The following HOXA1 variants were observed in gnomAD, a reference collection of about 807,000 sequenced individuals.
HOXA1 encodes homeobox protein Hox-A1.
HOXA1 carries 21 observed loss-of-function variants against 28.3 expected under a neutral mutation model. The observed-to-expected ratio is 0.74, with a 90% CI of 0.53 to 1.07. The LOEUF (loss-of-function observed/expected upper bound fraction) is 1.07. Ranked by LOEUF, HOXA1 falls within the 50% of genes least tolerant of loss-of-function variation. HOXA1 has a pLI of 0.00. For missense variants in HOXA1, 446 were observed against 434.3 expected (o/e 1.03, Z -0.24); for synonymous variants, 208 against 181.2 (o/e 1.15, Z -1.19).
chr7:27,093,620 T>C lies in HOXA1; in HGVS notation c.*820A>G, dbSNP rs1336175696. 6.6e-6 allele frequency: 1 copy of C among 152,540 alleles called. No individual in the cohort carries two copies. Among genetic ancestry groups the C allele is most frequent in the Non-Finnish European group, 1.5e-5 (1 of 68,038 alleles). The allele number at this position is 152,540 out of a possible 1,614,324, so 9.4% of individuals were successfully genotyped here. The stretch of plus-strand genomic sequence containing the variant: ...GGAAGGAAGAAATTGGTTTGAATAA[T>C]ACTTTTAGGTTCTGAATAACCCAGC... On this transcript the variant is annotated 3_prime_UTR_variant, in exon 2 of 2. Coordinates refer to ENST00000643460, the MANE Select transcript of HOXA1 (RefSeq NM_005522.5).
At position 27,094,147 on chromosome 7, in the gene HOXA1, G is replaced by T. The variant is rs1783761357; in HGVS notation, c.*293C>A. On this transcript the variant is annotated 3_prime_UTR_variant, in exon 2 of 2. Transcript: ENST00000643460. The stretch of plus-strand genomic sequence containing the variant: ...GGCAAAGGGAACTATTTTCCAAAAG[G>T]TCATCTGAAAGGAACAGTAGGTTCT... The T allele has an allele frequency of 2.9e-5, 11 of 384,986 alleles. No individual in the cohort carries two copies. Among genetic ancestry groups the T allele is most frequent in the Middle Eastern group, 1.5e-3 (2 of 1,342 alleles). 23.8% of individuals were successfully genotyped at this position (384,986 alleles called of 1,614,324 possible).
chr7:27,095,405 T>C lies in HOXA1; in HGVS notation c.508A>G (p.Ser170Gly). The C allele has an allele frequency of 1.2e-6, 2 of 1,614,040 alleles. No homozygotes were observed. Among genetic ancestry groups the C allele is most frequent in the Non-Finnish European group, 1.7e-6 (2 of 1,179,998 alleles). Residue 170 changes from serine (S) to glycine (G), a missense_variant, in exon 1 of 2, where the codon AGC becomes GGC. Ser to Gly is a moderately conservative substitution (Grantham distance 56). Coordinates refer to ENST00000643460, the MANE Select transcript of HOXA1 (RefSeq NM_005522.5). The part of the protein sequence containing the change: ...IHHSYGQEHQ[S>G]LALATYNNSL... ...TTATTATACGTAGCCAGGGCCAGGC[T>C]CTGGTGCTCCTGTCCATATGAGTGG...
chr7:27,093,398 T>C lies in HOXA1; in HGVS notation c.*1042A>G, dbSNP rs1304808476. The C allele has an allele frequency of 6.6e-6, 1 of 152,636 alleles. No homozygotes were observed. Among genetic ancestry groups the C allele is most frequent in the Non-Finnish European group, 1.5e-5 (1 of 68,036 alleles). 9.5% of individuals were successfully genotyped at this position (152,636 alleles called of 1,614,324 possible). ...CACTCCAGGATCTCAGAGCTGTTCA[T>C]GATTGTACAGGAAATGGGGAATATC... On this transcript the variant is annotated 3_prime_UTR_variant, in exon 2 of 2. Transcript: ENST00000643460.
At position 27,093,972 on chromosome 7, in the gene HOXA1, GAATT is replaced by G. The variant is rs1783756290; in HGVS notation, c.*464_*467del. ...ATGAAAATGACTTAAATTAAGGGATGAATTAATTGTGTAAACATATAGTGCATCT... is the reference window on the plus strand; with the variant it reads ...ATGAAAATGACTTAAATTAAGGGATGAATTGTGTAAACATATAGTGCATCT... On this transcript the variant is annotated 3_prime_UTR_variant, in exon 2 of 2. Transcript: ENST00000643460. 6.2e-6 allele frequency: 1 copy of G among 162,360 alleles called. No individual in the cohort carries two copies. The highest frequency in any genetic ancestry group is 2.4e-5 in the African/African-American group (1 of 41,580). The allele number at this position is 162,360 out of a possible 1,614,324, so 10.1% of individuals were successfully genotyped here.
In HOXA1 at chr7:27,095,960, A is replaced by G. The variant is rs372667623; in HGVS notation, c.-48T>C. 2.2e-6 allele frequency: 3 copies of G among 1,361,200 alleles called. No homozygotes were observed. The highest frequency in any genetic ancestry group is 3.1e-5 in the African/African-American group (2 of 64,050). The allele number at this position is 1,361,200 out of a possible 1,614,324, so 84.3% of individuals were successfully genotyped here. A position where few individuals can be genotyped will look rare whatever the true frequency, so the allele number is the denominator to read the frequency against. ...TGCGAAGCCCGGCGTGACTGTGCCA[A>G]CTTTCTCACTTCCTCCATGGGGCCG... On this transcript the variant is annotated 5_prime_UTR_variant, in exon 1 of 2. Transcript: ENST00000643460.
In HOXA1 at chr7:27,094,107, T is replaced by C. The variant is rs1783760875; in HGVS notation, c.*333A>G. ...AGATAAAAGATGAGAAGATTCCTTCTGGCATGTTTCTGTTGGCAAAGGGAA... is the reference window on the plus strand; with the variant it reads ...AGATAAAAGATGAGAAGATTCCTTCCGGCATGTTTCTGTTGGCAAAGGGAA... On this transcript the variant is annotated 3_prime_UTR_variant, in exon 2 of 2. Transcript: ENST00000643460. 1 of 331,542 alleles carries C rather than the reference T, an allele frequency of 3.0e-6. No individual in the cohort carries two copies. The allele number at this position is 331,542 out of a possible 1,614,324, so 20.5% of individuals were successfully genotyped here.
chr7:27,095,234 G>A, intron 1 of HOXA1, 27 bp downstream of exon 1: 1 of 1,611,508 alleles, frequency 6.2e-7, no homozygotes, highest in Non-Finnish European at 8.5e-7. Context: ...AATAATCAAG[G>A]AGCATCCACC....
In HOXA1 at chr7:27,094,734, G is replaced by T. The variant is rs377716509; in HGVS notation, c.714C>A (p.Thr238=). The T allele has an allele frequency of 8.1e-6, 13 of 1,614,126 alleles. No homozygotes were observed. The South Asian group carries it at 1.3e-4, about 16-fold the overall frequency. ...QPNAVRTNFT[T]KQLTELEKEF... ...CCTTCTCCAGTTCCGTGAGCTGCTT[G>T]GTAGTGAAGTTGGTGCGCACCGCGT... Residue 238 remains threonine, a synonymous_variant, in exon 2 of 2, where the codon ACC becomes ACA. Transcript: ENST00000643460.
At position 27,094,428 on chromosome 7, in the gene HOXA1, G is replaced by C. The variant is rs1300212279; in HGVS notation, c.*12C>G. 1.3e-6 allele frequency: 2 copies of C among 1,591,476 alleles called. No homozygotes were observed. Among genetic ancestry groups the C allele is most frequent in the African/African-American group, 2.7e-5 (2 of 74,570 alleles). On this transcript the variant is annotated 3_prime_UTR_variant, in exon 2 of 2. Transcript: ENST00000643460. ...GGAGATGCCTGGGCTGTTGTCTGGG[G>C]CTGGAGCCGCCTCAGTGGGAGGTAG...
chr7:27,094,077 T>C lies in HOXA1; in HGVS notation c.*363A>G, dbSNP rs1166894098. The C allele has an allele frequency of 6.7e-6, 2 of 298,268 alleles. No homozygotes were observed. The highest frequency in any genetic ancestry group is 7.1e-5 in the South Asian group (2 of 28,310). 18.5% of individuals were successfully genotyped at this position (298,268 alleles called of 1,614,324 possible). ...ACAAGGGAGGGGAGAGCTGTACATA[T>C]AGTTAGATAAAAGATGAGAAGATTC... On this transcript the variant is annotated 3_prime_UTR_variant, in exon 2 of 2. Transcript: ENST00000643460.
Position 27,094,683 on chromosome 7 carries a change from C to T in HOXA1, c.765G>A (p.Thr255=), listed in dbSNP as rs138651027. 160 of 1,614,148 alleles carry T rather than the reference C, an allele frequency of 9.9e-5. No individual in the cohort carries two copies. In the African/African-American group the frequency reaches 1.9e-3, roughly 19 times the overall value. The change falls in exon 2 of 2, where the codon ACG becomes ACA. Residue 255 remains threonine (T), a synonymous_variant. Coordinates refer to ENST00000643460, the MANE Select transcript of HOXA1 (RefSeq NM_005522.5). ...EKEFHFNKYL[T]RARRVEIAAS... is the part of the protein sequence containing the mutation. Reference sequence around the variant, plus strand: ...CAGCGATCTCCACCCTGCGGGCGCGCGTCAGGTACTTGTTGAAGTGGAACT... The same window carrying T: ...CAGCGATCTCCACCCTGCGGGCGCGTGTCAGGTACTTGTTGAAGTGGAACT...
Position 27,095,541 on chromosome 7 carries a change from G to A in HOXA1, c.372C>T (p.Pro124=), listed in dbSNP as rs371597524. 4 of 1,614,106 alleles carry A rather than the reference G, an allele frequency of 2.5e-6. No homozygotes were observed. The highest frequency in any genetic ancestry group is 1.7e-6 in the Non-Finnish European group (2 of 1,180,026). The stretch of plus-strand genomic sequence containing the variant: ...CAGAGTAAACAGCGGGAGCGCACTG[G>A]GGGTACCCACCACTTACGTCTGCTT... ...NQEADVSGGY[P]QCAPAVYSGN... The change falls in exon 1 of 2, where the codon CCC becomes CCT. Residue 124 remains proline (P), a synonymous_variant. Coordinates refer to ENST00000643460, the MANE Select transcript of HOXA1 (RefSeq NM_005522.5).
intron 1 of HOXA1, among the ~76,000 whole-genome samples, 197 bp downstream of exon 1, chr7:27,095,064 G>A (rs1015160283): frequency 6.6e-6 from 1 of 152,106 alleles, no homozygotes; most frequent in African/African-American, 2.4e-5. Flanking sequence ...TTTCCCAAAT[G>A]TATAAAATCC....
In HOXA1 at chr7:27,094,097, A is replaced by C; in HGVS notation, c.*343T>G. ...ACATATAGTTAGATAAAAGATGAGA[A>C]GATTCCTTCTGGCATGTTTCTGTTG... On this transcript the variant is annotated 3_prime_UTR_variant, in exon 2 of 2. Transcript: ENST00000643460. 1 of 318,010 alleles carries C rather than the reference A, an allele frequency of 3.1e-6. No homozygotes were observed. The highest frequency in any genetic ancestry group is 3.3e-5 in the South Asian group (1 of 30,766). The allele number at this position is 318,010 out of a possible 1,614,324, so 19.7% of individuals were successfully genotyped here.
chr7:27,095,431 T>A lies in HOXA1; in HGVS notation c.482A>T (p.His161Leu). The A allele has an allele frequency of 6.2e-7, 1 of 1,614,088 alleles. No individual in the cohort carries two copies. The highest frequency in any genetic ancestry group is 8.5e-7 in the Non-Finnish European group (1 of 1,180,018). The part of the protein sequence containing the change: ...GGAVGSPQYI[H>L]HSYGQEHQSL... ...CTGGTGCTCCTGTCCATATGAGTGGTGAATGTATTGAGGCGAGCCCACCGC... is the reference window on the plus strand; with the variant it reads ...CTGGTGCTCCTGTCCATATGAGTGGAGAATGTATTGAGGCGAGCCCACCGC... Residue 161 changes from histidine to leucine, a missense_variant, in exon 1 of 2, where the codon CAC (histidine) becomes CTC (leucine). Coordinates refer to ENST00000643460, the MANE Select transcript of HOXA1 (RefSeq NM_005522.5).
At position 27,094,291 on chromosome 7, in the gene HOXA1, T is replaced by A; in HGVS notation, c.*149A>T. On this transcript the variant is annotated 3_prime_UTR_variant, in exon 2 of 2. Coordinates refer to ENST00000643460, the MANE Select transcript of HOXA1 (RefSeq NM_005522.5). Reference sequence around the variant, plus strand: ...TCTCTGGTCCAGAATTATCTGCAAATATATTATCCTGGCCAGGAGCTCCCC... The same window carrying A: ...TCTCTGGTCCAGAATTATCTGCAAAAATATTATCCTGGCCAGGAGCTCCCC... The A allele has an allele frequency of 1.5e-6, 1 of 654,364 alleles. No homozygotes were observed. The highest frequency in any genetic ancestry group is 1.7e-5 in the South Asian group (1 of 57,518). 40.5% of individuals were successfully genotyped at this position (654,364 alleles called of 1,614,324 possible).
chr7:27,095,981 G>C lies in HOXA1; in HGVS notation c.-69C>G. On this transcript the variant is annotated 5_prime_UTR_variant, in exon 1 of 2. Coordinates refer to ENST00000643460, the MANE Select transcript of HOXA1 (RefSeq NM_005522.5). ...GCCAACTTTCTCACTTCCTCCATGG[G>C]GCCGGAGAAGAAAAATGATATGAAT... The C allele has an allele frequency of 8.3e-7, 1 of 1,201,420 alleles. No homozygotes were observed. Among genetic ancestry groups the C allele is most frequent in the Non-Finnish European group, 1.2e-6 (1 of 822,824 alleles). The allele number at this position is 1,201,420 out of a possible 1,614,324, so 74.4% of individuals were successfully genotyped here.
rs1342246463 is a variant in HOXA1, at chr7:27,095,435, T to G, written c.478A>C (p.Ile160Leu). ...AGGAVGSPQY[I>L]HHSYGQEHQS... ...TGCTCCTGTCCATATGAGTGGTGAA[T>G]GTATTGAGGCGAGCCCACCGCGCCC... The change falls in exon 1 of 2, where the codon ATT becomes CTT. Residue 160 changes from isoleucine (I) to leucine (L), a missense_variant. Transcript: ENST00000643460. 2 of 1,614,050 alleles carry G rather than the reference T, an allele frequency of 1.2e-6. No individual in the cohort carries two copies. Among genetic ancestry groups the G allele is most frequent in the East Asian group, 2.2e-5 (1 of 44,876 alleles).
At position 27,095,904 on chromosome 7, in the gene HOXA1, A is replaced by G. The variant is rs1240655452; in HGVS notation, c.9T>C (p.Asn3=). 4.3e-6 allele frequency: 7 copies of G among 1,613,194 alleles called. No individual in the cohort carries two copies. The highest frequency in any genetic ancestry group is 1.3e-5 in the African/African-American group (1 of 74,844). Residue 3 remains asparagine (N), a synonymous_variant, in exon 1 of 2, where the codon AAT becomes AAC. Coordinates refer to ENST00000643460, the MANE Select transcript of HOXA1 (RefSeq NM_005522.5). Reference sequence around the variant, plus strand: ...ATTCCAGGAAGGAGTTCATTCTTGCATTGTCCATCTGTCACTGAGTGACCT... The same window carrying G: ...ATTCCAGGAAGGAGTTCATTCTTGCGTTGTCCATCTGTCACTGAGTGACCT... The part of the protein sequence containing the change: MD[N]ARMNSFLEYP...
Sources: allele counts gnomAD v4.1 joint callset (sites outside exome capture counted in the v4.1 genomes callset), GRCh38; gene constraint gnomAD v4.1.1; transcripts MANE v1.5; gene names NCBI Gene and HGNC (gene_info 2026-07-23, HGNC 2026-07-21).